IGSF8: variants seen among roughly 807,000 people sequenced by gnomAD.
The protein encoded by IGSF8 is immunoglobulin superfamily member 8.
In IGSF8, 46 loss-of-function variants were observed where a neutral mutation model predicts 55.5. The observed-to-expected ratio is 0.83, with a 90% CI of 0.65 to 1.06. The LOEUF (loss-of-function observed/expected upper bound fraction) is 1.06, where lower values mean the gene tolerates loss of function less well. Ranked by LOEUF, IGSF8 falls within the 50% of genes least tolerant of loss-of-function variation. The pLI is 0.00. For missense variants in IGSF8, 731 were observed against 832.3 expected (o/e 0.88, Z 1.50); for synonymous variants, 314 against 356.1 (o/e 0.88, Z 1.33).
chr1:160,093,481 G>T, intron 3 of IGSF8, 150 bp from the exon 4 acceptor site: 1 of 843,518 alleles, frequency 1.2e-6, no homozygotes, highest in Non-Finnish European at 1.8e-6. Context: ...TCTATTTAGG[G>T]GCTTGAATCT....
Position 160,094,196 on chromosome 1 carries a change from G to T in IGSF8, c.443-25C>A, listed in dbSNP as rs1336619754. ...ACTGGAGAGAACAGCTGGAGTGAGGGAGGGCTGGGAGCTGGCAGCCCTTGT... is the reference window on the plus strand; with the variant it reads ...ACTGGAGAGAACAGCTGGAGTGAGGTAGGGCTGGGAGCTGGCAGCCCTTGT... On this transcript the variant is annotated intron_variant, in intron 2 of 6. Transcript: ENST00000314485. This position sits in a 1 kb window ranked among gnomAD's most constrained non-coding sequence, Gnocchi z 4.0. The T allele has an allele frequency of 6.8e-7, 1 of 1,481,374 alleles. No homozygotes were observed. The highest frequency in any genetic ancestry group is 2.3e-5 in the East Asian group (1 of 42,858). 91.8% of individuals were successfully genotyped at this position (1,481,374 alleles called of 1,614,324 possible).
intron 5 of IGSF8, 99 bp downstream of exon 5, chr1:160,092,183 G>C (rs781465386): frequency 3.2e-5 from 41 of 1,281,448 alleles, no homozygotes; most frequent in Non-Finnish European, 4.3e-5. Flanking sequence ...ATGTGGAGGA[G>C]AGAGATAGTA....
intron 1 of IGSF8, 129 bp from the exon 2 acceptor site, chr1:160,095,375 G>A (rs1650362563): frequency 2.1e-6 from 2 of 942,450 alleles, no homozygotes; most frequent in East Asian, 5.3e-5. Flanking sequence ...TCCACAGCTT[G>A]GACCCTGTTC....
Position 160,095,228 on chromosome 1 carries a change from C to G in IGSF8, c.83G>C (p.Arg28Pro). Reference protein sequence around the residue: ...LLMLGMGCWAREVLVPEGPLY... With the variant: ...LLMLGMGCWAPEVLVPEGPLY... ...GGGCCCCTCGGGGACCAGCACCTCC[C>G]GGGCCCAGCATCCCATTCCTGTAGG... Residue 28 changes from arginine to proline, a missense_variant, in exon 2 of 7, where the codon CGG (arginine) becomes CCG (proline). By Grantham distance (103) the Arg-to-Pro change is moderately radical. Coordinates refer to ENST00000314485, the MANE Select transcript of IGSF8 (RefSeq NM_052868.6). 1 of 1,602,982 alleles carries G rather than the reference C, an allele frequency of 6.2e-7. No individual in the cohort carries two copies. Among genetic ancestry groups the G allele is most frequent in the Non-Finnish European group, 8.5e-7 (1 of 1,179,368 alleles).
In IGSF8 at chr1:160,092,267, G is replaced by A; in HGVS notation, c.1726+15C>T. ...AGGAAGGCAGAGTGAGGAGGGTGGAGGGGGTGTCACTCACCATGCATGTAG... is the reference window on the plus strand; with the variant it reads ...AGGAAGGCAGAGTGAGGAGGGTGGAAGGGGTGTCACTCACCATGCATGTAG... On this transcript the variant is annotated intron_variant, in intron 5 of 6. Coordinates refer to ENST00000314485, the MANE Select transcript of IGSF8 (RefSeq NM_052868.6). 1 of 1,612,282 alleles carries A rather than the reference G, an allele frequency of 6.2e-7. No individual in the cohort carries two copies. Among genetic ancestry groups the A allele is most frequent in the Non-Finnish European group, 8.5e-7 (1 of 1,178,452 alleles).
Position 160,093,982 on chromosome 1 carries a change from A to T in IGSF8, c.632T>A (p.Val211Asp), listed in dbSNP as rs534409229. The T allele has an allele frequency of 2.5e-6, 4 of 1,614,182 alleles. No homozygotes were observed. In the South Asian group the frequency reaches 4.4e-5, roughly 18 times the overall value. Reference sequence around the variant, plus strand: ...CACTTCCTGCAGAGTTGACCGCCCAACTGGTGCCTCGGGCACAGATCGCCC... The same window carrying T: ...CACTTCCTGCAGAGTTGACCGCCCATCTGGTGCCTCGGGCACAGATCGCCC... ...SFGRSVPEAP[V>D]GRSTLQEVVG... Residue 211 changes from valine (V) to aspartate (D), a missense_variant, in exon 3 of 7, where the codon GTT (valine) becomes GAT (aspartate). Physicochemically the swap from Val to Asp is radical, Grantham distance 152. Coordinates refer to ENST00000314485, the MANE Select transcript of IGSF8 (RefSeq NM_052868.6).
In IGSF8 at chr1:160,093,752, C is replaced by G. The variant is rs749059632; in HGVS notation, c.862G>C (p.Glu288Gln). Residue 288 changes from glutamate to glutamine, a missense_variant, in exon 3 of 7, where the codon GAG becomes CAG. Glu to Gln is a conservative substitution (Grantham distance 29). Coordinates refer to ENST00000314485, the MANE Select transcript of IGSF8 (RefSeq NM_052868.6). ...DPDGSWAQIA[E>Q]KRAVLAHVDV... The stretch of plus-strand genomic sequence containing the variant: ...ACGTGGGCCAGGACGGCCCTTTTCT[C>G]TGCAATCTGGGCCCAGCTGCCATCA... 3 of 1,613,364 alleles carry G rather than the reference C, an allele frequency of 1.9e-6. No individual in the cohort carries two copies. The highest frequency in any genetic ancestry group is 2.5e-6 in the Non-Finnish European group (3 of 1,179,540).
In IGSF8 at chr1:160,094,637, C is replaced by T. The variant is rs1244939419; in HGVS notation, c.442+232G>A. ...GGACAACTTAAGGACATTTCTTCTC[C>T]CAGGAGGGGTCTTAATATGATAAGA... On this transcript the variant is annotated intron_variant, in intron 2 of 6. Transcript: ENST00000314485. The surrounding 1 kb of genome is among the most constrained non-coding windows in gnomAD (Gnocchi z 4.0). Among the ~76,000 whole-genome samples the T allele has an allele frequency of 6.6e-6, 1 of 151,986 alleles. No individual in the cohort carries two copies. Among genetic ancestry groups the T allele is most frequent in the Non-Finnish European group, 1.5e-5 (1 of 68,012 alleles).
At chr1:160,097,915 T>G (rs1650549933) in intron 1 of IGSF8, 1 of 984,270 alleles carries the variant, frequency 1.0e-6, no homozygotes, top group Non-Finnish European at 1.2e-6. Flanking sequence ...TGCCCCCAGT[T>G]GATGAAGTGC....
At position 160,093,064 on chromosome 1, in the gene IGSF8, A is replaced by G; in HGVS notation, c.1172T>C (p.Leu391Pro). 6.2e-7 allele frequency: 1 copy of G among 1,614,192 alleles called. No individual in the cohort carries two copies. The highest frequency in any genetic ancestry group is 2.2e-5 in the East Asian group (1 of 44,890). The change falls in exon 4 of 7, where the codon CTA becomes CCA. Residue 391 changes from leucine to proline, a missense_variant. Physicochemically the swap from Leu to Pro is moderately conservative, Grantham distance 98. Coordinates refer to ENST00000314485, the MANE Select transcript of IGSF8 (RefSeq NM_052868.6). ...ACCAGGCCTGGCAGCCTCTAGCCGT[A>G]GCCGGTATGTTCTGGATGCCACCTT... is the stretch of plus-strand genomic sequence containing the variant. ...MEKVASRTYR[L>P]RLEAARPGDA...
Position 160,094,735 on chromosome 1 carries a change from G to T in IGSF8, c.442+134C>A. On this transcript the variant is annotated intron_variant, in intron 2 of 6. Transcript: ENST00000314485. This position sits in a 1 kb window ranked among gnomAD's most constrained non-coding sequence, Gnocchi z 4.0. ...CCACTGAGTTATTGGGTGACTTTGTGCAAATCACTTAACCTCTTTGGGCCT... is the reference window on the plus strand; with the variant it reads ...CCACTGAGTTATTGGGTGACTTTGTTCAAATCACTTAACCTCTTTGGGCCT... The T allele has an allele frequency of 2.1e-6, 2 of 971,962 alleles. No individual in the cohort carries two copies. The highest frequency in any genetic ancestry group is 3.0e-6 in the Non-Finnish European group (2 of 665,026). 60.2% of individuals were successfully genotyped at this position (971,962 alleles called of 1,614,324 possible).
At chr1:160,098,661 G>T (rs900460114), upstream of IGSF8, 4 of 545,630 alleles carry the variant, frequency 7.3e-6, no homozygotes, top group Admixed American at 3.5e-5. Flanking sequence ...TCCAGCCCTC[G>T]GCAGTTCTGA....
rs768015705 is a variant in IGSF8 at position 160,093,830 on chromosome 1, C to A, written c.784G>T (p.Ala262Ser). 1 of 1,614,036 alleles carries A rather than the reference C, an allele frequency of 6.2e-7. No homozygotes were observed. Among genetic ancestry groups the A allele is most frequent in the African/African-American group, 1.3e-5 (1 of 74,920 alleles). ...RYRMVVGGAQ[A>S]GDAGTYHCTA... ...CAGTGGTAGGTGCCTGCGTCCCCTG[C>A]CTGGGCACCCCCTACTACCATGCGG... The change falls in exon 3 of 7, where the codon GCA becomes TCA. Residue 262 changes from alanine (A) to serine (S), a missense_variant. Coordinates refer to ENST00000314485, the MANE Select transcript of IGSF8 (RefSeq NM_052868.6).
chr1:160,097,125 G>T (rs1441898202), intron 1 of IGSF8, among the ~76,000 whole-genome samples: 2 of 152,184 alleles, frequency 1.3e-5, no homozygotes, highest in African/African-American at 4.8e-5. Context: ...TGTGCTCTCT[G>T]GGGCAAGTTA....
At chr1:160,098,069 T>C (rs556651763) in intron 1 of IGSF8, 1 of 767,824 alleles carries the variant, frequency 1.3e-6, no homozygotes, top group East Asian at 1.3e-4. Context: ...TGGAGCTGAG[T>C]GTGGGGCAGA....
At chr1:160,095,400 G>T in intron 1 of IGSF8, 154 bp from the exon 2 acceptor site, 2 of 778,636 alleles carry the variant, frequency 2.6e-6, no homozygotes, top group Non-Finnish European at 2.0e-6. Flanking sequence ...AATAGGAAAG[G>T]GATGCTGTGA....
chr1:160,097,512 A>AC (rs1426801819), intron 1 of IGSF8, among the ~76,000 whole-genome samples: 2 of 150,826 alleles, frequency 1.3e-5, no homozygotes, highest in Non-Finnish European at 3.0e-5. Context: ...CACCATCCCC[A>AC]CCCCCACGCT....
chr1:160,093,823 T>C lies in IGSF8; in HGVS notation c.791A>G (p.Asp264Gly), dbSNP rs1557988430. Residue 264 changes from aspartate (D) to glycine (G), a missense_variant, in exon 3 of 7, where the codon GAC (aspartate) becomes GGC (glycine). Transcript: ENST00000314485. ...RMVVGGAQAG[D>G]AGTYHCTAAE... ...GGCAGTGCAGTGGTAGGTGCCTGCG[T>C]CCCCTGCCTGGGCACCCCCTACTAC... 2 of 1,613,990 alleles carry C rather than the reference T, an allele frequency of 1.2e-6. No homozygotes were observed. Among genetic ancestry groups the C allele is most frequent in the Non-Finnish European group, 1.7e-6 (2 of 1,179,890 alleles).
chr1:160,097,909 C>A, intron 1 of IGSF8: 1 of 985,458 alleles, frequency 1.0e-6, no homozygotes, highest in Non-Finnish European at 1.2e-6. Flanking sequence ...GGGAACTGCC[C>A]CCAGTTGATG....
Sources: allele counts gnomAD v4.1 joint callset (sites outside exome capture counted in the v4.1 genomes callset), GRCh38; gene constraint gnomAD v4.1.1; non-coding constraint Gnocchi (gnomAD v3.1); transcripts MANE v1.5; gene names NCBI Gene and HGNC (gene_info 2026-07-23, HGNC 2026-07-21).